The following PCDH15 variants were observed in gnomAD, a reference collection of about 807,000 sequenced individuals.
PCDH15 encodes the protein protocadherin related 15.
Under a neutral mutation model 178.5 loss-of-function variants are expected in PCDH15, and 129 were observed. The ratio of observed to expected loss-of-function variants is 0.72; its 90% CI spans 0.63 to 0.84. PCDH15 has a LOEUF of 0.84. PCDH15 is among the 40% of genes least tolerant of loss of function. The probability of loss-of-function intolerance (pLI) is 0.00; values close to 1 mark genes in which losing one functional copy is unlikely to be tolerated. For missense variants in PCDH15, 2,230 were observed against 2,099.9 expected (o/e 1.06, Z -1.21); for synonymous variants, 800 against 732.0 (o/e 1.09, Z -1.50).
At chr10:54,347,950 G>A (rs1054921132) in intron 5 of PCDH15, among the ~76,000 whole-genome samples, 11 of 151,990 alleles carry the variant, frequency 7.2e-5, no homozygotes, top group African/African-American at 9.7e-5. Context: ...CCGGGTTCAC[G>A]CCATTCTCCT....
chr10:55,446,721 G>T (rs1839326113), intron 2 of PCDH15, among the ~76,000 whole-genome samples: 1 of 152,036 alleles, frequency 6.6e-6, no homozygotes, highest in South Asian at 2.1e-4. Flanking sequence ...AGGCTTTATT[G>T]TTTCCAGTTG....
intron 3 of PCDH15, among the ~76,000 whole-genome samples, chr10:54,494,593 G>A (rs2079932230): frequency 6.6e-6 from 1 of 152,118 alleles, no homozygotes; most frequent in South Asian, 2.1e-4. Flanking sequence ...CTATGATGCA[G>A]CCAATCATGC....
chr10:55,448,651 A>C (rs1000454301), intron 2 of PCDH15, among the ~76,000 whole-genome samples: 1 of 152,008 alleles, frequency 6.6e-6, no homozygotes, highest in Non-Finnish European at 1.5e-5. Flanking sequence ...TTATATCCTC[A>C]GTTTCTGTCT....
At chr10:55,565,140 C>G (rs1222404797) in intron 2 of PCDH15, among the ~76,000 whole-genome samples, 1 of 151,528 alleles carries the variant, frequency 6.6e-6, no homozygotes, top group African/African-American at 2.4e-5. Context: ...AGATATCATA[C>G]AAAGTATCTT....
chr10:55,184,428 C>T (rs1839740273), intron 1 of PCDH15, among the ~76,000 whole-genome samples: 1 of 151,934 alleles, frequency 6.6e-6, no homozygotes, highest in African/African-American at 2.4e-5. Context: ...AAGCCATAAA[C>T]TCCATCTGCA....
At chr10:54,430,815 GAAAT>G (rs767121517) in intron 3 of PCDH15, among the ~76,000 whole-genome samples, 105 of 151,624 alleles carry the variant, frequency 6.9e-4, no homozygotes, top group Non-Finnish European at 1.4e-3. Context: ...AAAGAATAAT[GAAAT>G]AAAAAGTTTG....
intron 2 of PCDH15, among the ~76,000 whole-genome samples, chr10:54,602,779 T>C (rs902251993): frequency 2.6e-5 from 4 of 152,038 alleles, no homozygotes; most frequent in African/African-American, 9.7e-5. Flanking sequence ...GAATGACTTA[T>C]GCATGTTCAA....
intron 3 of PCDH15, among the ~76,000 whole-genome samples, chr10:54,852,100 T>C (rs1025115399): frequency 1.3e-5 from 2 of 152,184 alleles, no homozygotes; most frequent in Non-Finnish European, 2.9e-5. Flanking sequence ...CTCTGTTATA[T>C]TGGCAGATGT....
intron 15 of PCDH15, among the ~76,000 whole-genome samples, chr10:54,101,885 G>A (rs1201517955): frequency 1.3e-5 from 2 of 152,046 alleles, no homozygotes; most frequent in African/African-American, 2.4e-5. Context: ...TGAGGTGGGA[G>A]GATAACTTGA....
At chr10:54,930,341 A>T (rs2131852371) in intron 2 of PCDH15, among the ~76,000 whole-genome samples, 1 of 152,296 alleles carries the variant, frequency 6.6e-6, no homozygotes, top group African/African-American at 2.4e-5. Flanking sequence ...GCTTCACTGT[A>T]GGACCGGAAG....
At chr10:54,561,835 T>A (rs2088205278) in intron 2 of PCDH15, among the ~76,000 whole-genome samples, 1 of 145,118 alleles carries the variant, frequency 6.9e-6, no homozygotes. Context: ...TCAATGGTAA[T>A]TATTATTATT....
rs1290471861 is a variant in PCDH15 at position 53,996,856 on chromosome 10, TCTC to T, written c.2752-1094_2752-1092del. On this transcript the variant is annotated intron_variant, in intron 20 of 37. Coordinates refer to ENST00000644397, the MANE Select transcript of PCDH15 (RefSeq NM_001384140.1). Reference sequence around the variant, plus strand: ...CCTAAATTTGTTAATTATCTGCTCTTCTCCTCCAAGTCCCCTTTTTCTCACTTG... The same window carrying T: ...CCTAAATTTGTTAATTATCTGCTCTTCTCCAAGTCCCCTTTTTCTCACTTG... Among the ~76,000 whole-genome samples the T allele has an allele frequency of 4.6e-5, 7 of 152,150 alleles. No individual in the cohort carries two copies. In the South Asian group the frequency reaches 1.2e-3, roughly 27 times the overall value.
At chr10:55,043,480 A>T (rs1451215991) in intron 2 of PCDH15, among the ~76,000 whole-genome samples, 1 of 151,982 alleles carries the variant, frequency 6.6e-6, no homozygotes, top group Non-Finnish European at 1.5e-5. Flanking sequence ...GGACCCAGGC[A>T]GGAGGATTAC....
chr10:54,723,462 A>T (rs2132536392), intron 1 of PCDH15, among the ~76,000 whole-genome samples: 1 of 151,960 alleles, frequency 6.6e-6, no homozygotes, highest in Non-Finnish European at 1.5e-5. Context: ...AAACCTAGAA[A>T]AATCTCTTCT....
At chr10:54,351,108 A>T (rs370992520) in intron 5 of PCDH15, among the ~76,000 whole-genome samples, 5 of 73,240 alleles carry the variant, frequency 6.8e-5, no homozygotes, top group Non-Finnish European at 1.7e-4. Flanking sequence ...GTCTCAATTT[A>T]AAAAAAAAAA....
At chr10:54,085,618 T>A (rs920115565) in intron 16 of PCDH15, among the ~76,000 whole-genome samples, 3 of 152,192 alleles carry the variant, frequency 2.0e-5, no homozygotes, top group African/African-American at 7.2e-5. Flanking sequence ...CATACAGATA[T>A]GGCCACTTAA....
At chr10:54,100,384 G>T (rs553265847) in intron 15 of PCDH15, among the ~76,000 whole-genome samples, 7 of 151,538 alleles carry the variant, frequency 4.6e-5, no homozygotes, top group Non-Finnish European at 8.8e-5. Flanking sequence ...AAAAAGTATT[G>T]CTCAATAAAT....
chr10:55,242,136 A>T (rs1418999555), intron 1 of PCDH15, among the ~76,000 whole-genome samples: 1 of 152,216 alleles, frequency 6.6e-6, no homozygotes, highest in Non-Finnish European at 1.5e-5. Flanking sequence ...TGAAATTTTA[A>T]TAAGTCCAAC....
chr10:55,095,854 GTACCTA>G (rs1289721674), intron 2 of PCDH15, among the ~76,000 whole-genome samples: 1 of 151,948 alleles, frequency 6.6e-6, no homozygotes, highest in African/African-American at 2.4e-5. Context: ...AGGATTCATG[GTACCTA>G]TATTTTTATA....
Sources: allele counts gnomAD v4.1 joint callset (sites outside exome capture counted in the v4.1 genomes callset), GRCh38; gene constraint gnomAD v4.1.1; transcripts MANE v1.5; gene names NCBI Gene and HGNC (gene_info 2026-07-23, HGNC 2026-07-21).